SSC5D: variants seen among roughly 807,000 people sequenced by gnomAD.
SSC5D encodes scavenger receptor cysteine rich family member with 5 domains.
In SSC5D, 106 loss-of-function variants were observed where a neutral mutation model predicts 104.6. That is an observed-to-expected ratio of 1.01 (90% CI 0.87 to 1.19). The LOEUF (loss-of-function observed/expected upper bound fraction) is 1.19. Ranked by LOEUF, SSC5D falls within the 50% of genes most tolerant of loss-of-function variation. The probability of loss-of-function intolerance (pLI) is 0.00; values close to 1 mark genes in which losing one functional copy is unlikely to be tolerated. For synonymous variants in SSC5D, 860 were observed against 883.5 expected, an observed-to-expected ratio of 0.97 and a Z score of 0.47; for missense variants, 1,993 against 2,153.8, an observed-to-expected ratio of 0.93 and a Z score of 1.48.
rs869296361 is a variant in SSC5D at position 55,506,373 on chromosome 19, ATTTTTTTTTTTTTTTTT to A, written c.2785+5195_2785+5211del. Reference sequence around the variant, plus strand: ...GAGATTGGAGGCCTGTGGAATTTGGATTTTTTTTTTTTTTTTTTTTTTTTTTTTTTTTTTTTTTTGAG... The same window carrying A: ...GAGATTGGAGGCCTGTGGAATTTGGATTTTTTTTTTTTTTTTTTTTTTGAG... On this transcript the variant is annotated intron_variant, in intron 12 of 13. Coordinates refer to ENST00000389623, the MANE Select transcript of SSC5D (RefSeq NM_001144950.2). Among the ~76,000 whole-genome samples, 187 of 72,058 alleles carry A rather than the reference ATTTTTTTTTTTTTTTTT, an allele frequency of 2.6e-3. 1 individual carries two copies. The highest frequency in any genetic ancestry group is 7.3e-3 in the East Asian group (16 of 2,198). 47.3% of individuals were successfully genotyped at this position (72,058 alleles called of 152,430 possible). A position where few individuals can be genotyped will look rare whatever the true frequency, so the allele number is the denominator to read the frequency against.
chr19:55,516,300 A>G (rs1421807897), intron 13 of SSC5D, among the ~76,000 whole-genome samples: 5 of 152,136 alleles, frequency 3.3e-5, no homozygotes, highest in African/African-American at 4.8e-5. Context: ...GATCGAGACC[A>G]TCCTGGCCAA....
chr19:55,513,071 C>T lies in SSC5D; in HGVS notation c.2846C>T (p.Ala949Val), dbSNP rs1294445223. ...GACACACCATCAGGAAGGGGCCTGG[C>T]TGAGGGGACCCCTACCGCAGGCAAA... Reference protein sequence around the residue: ...TWDTPSGRGLAEGTPTAGKLG... With the variant: ...TWDTPSGRGLVEGTPTAGKLG... Residue 949 changes from alanine to valine, a missense_variant, in exon 13 of 14, where the codon GCT becomes GTT. Transcript: ENST00000389623. 1 of 1,551,646 alleles carries T rather than the reference C, an allele frequency of 6.4e-7. No individual in the cohort carries two copies. Among genetic ancestry groups the T allele is most frequent in the Admixed American group, 2.0e-5 (1 of 50,946 alleles).
intron 12 of SSC5D, among the ~76,000 whole-genome samples, chr19:55,506,385 T>G (rs1236340804): frequency 1.4e-5 from 1 of 72,942 alleles, no homozygotes; most frequent in Non-Finnish European, 2.7e-5. Flanking sequence ...TTTTTTTTTT[T>G]TTTTTTTTTT....
At chr19:55,499,600 G>A (rs1198899072) in intron 9 of SSC5D, among the ~76,000 whole-genome samples, 1 of 152,306 alleles carries the variant, frequency 6.6e-6, no homozygotes, top group Admixed American at 6.5e-5. Flanking sequence ...CCAAGAAGGC[G>A]GGGGCAGTGT....
rs1987474417 is a variant in SSC5D at position 55,500,766 on chromosome 19, A to G, written c.2579A>G (p.Asn860Ser). 3 of 1,551,012 alleles carry G rather than the reference A, an allele frequency of 1.9e-6. No individual in the cohort carries two copies. The South Asian group carries it at 3.6e-5, about 18-fold the overall frequency. The part of the protein sequence containing the change: ...DCPSGAWGKH[N>S]CDHEEDVGLT... ...CCCTCGGGGGCTTGGGGGAAGCACA[A>G]CTGTGACCACGAGGAAGACGTGGGG... is the stretch of plus-strand genomic sequence containing the variant. Residue 860 changes from asparagine to serine, a missense_variant, in exon 11 of 14, where the codon AAC becomes AGC. This residue lies in a region of SSC5D where 423 missense variants were observed against 409.2 expected (regional missense o/e 1.03). Coordinates refer to ENST00000389623, the MANE Select transcript of SSC5D (RefSeq NM_001144950.2). The surrounding 1 kb of genome is among the most constrained non-coding windows in gnomAD (Gnocchi z 4.6).
At chr19:55,505,947 G>C (rs1599925002) in intron 12 of SSC5D, among the ~76,000 whole-genome samples, 1 of 151,704 alleles carries the variant, frequency 6.6e-6, no homozygotes, top group East Asian at 1.9e-4. Context: ...ATGTTGGCCA[G>C]GCTGGTCTTG....
intron 2 of SSC5D, 26 bp downstream of exon 2, chr19:55,489,058 G>GGGGGGGGGGGGCC: frequency 8.3e-7 from 1 of 1,203,770 alleles, no homozygotes; most frequent in Non-Finnish European, 1.1e-6. Context: ...CCTCCCATCT[G>GGGGGGGGGGGGCC]CCCGCCCCCC....
intron 8 of SSC5D, among the ~76,000 whole-genome samples, chr19:55,497,413 CTT>C (rs1987352533): frequency 6.6e-6 from 1 of 152,162 alleles, no homozygotes; most frequent in Admixed American, 6.6e-5. Context: ...TGGAAAAAGA[CTT>C]ATTTTAATTG....
chr19:55,499,855 G>A lies in SSC5D; in HGVS notation c.1745G>A (p.Trp582Ter). 6.4e-7 allele frequency: 1 copy of A among 1,551,576 alleles called. No individual in the cohort carries two copies. Among genetic ancestry groups the A allele is most frequent in the African/African-American group, 1.4e-5 (1 of 73,096 alleles). The change falls in exon 10 of 14, where the codon TGG becomes TAG. Residue 582 changes from tryptophan to a stop codon, truncating the protein, a stop_gained. Coordinates refer to ENST00000389623, the MANE Select transcript of SSC5D (RefSeq NM_001144950.2). LOFTEE classifies it high-confidence loss of function. ...GLDSISDPFS[W>*]SWIPGLGRDR... Reference sequence around the variant, plus strand: ...GACTCCATCTCAGACCCCTTCAGCTGGAGCTGGATTCCTGGACTGGGGAGA... The same window carrying A: ...GACTCCATCTCAGACCCCTTCAGCTAGAGCTGGATTCCTGGACTGGGGAGA...
rs992351058 is a variant in SSC5D, at chr19:55,498,250, C to G, written c.1705+53C>G. Reference sequence around the variant, plus strand: ...TCCAGGAGGGCTTCCTGGAGGGGAACAGTAACTAACATGGGCACTAACATT... The same window carrying G: ...TCCAGGAGGGCTTCCTGGAGGGGAAGAGTAACTAACATGGGCACTAACATT... On this transcript the variant is annotated intron_variant, in intron 9 of 13. Coordinates refer to ENST00000389623, the MANE Select transcript of SSC5D (RefSeq NM_001144950.2). 1.4e-5 allele frequency: 22 copies of G among 1,525,580 alleles called. No individual in the cohort carries two copies. In the African/African-American group the frequency reaches 2.6e-4, roughly 18 times the overall value. 94.5% of individuals were successfully genotyped at this position (1,525,580 alleles called of 1,614,324 possible).
chr19:55,504,256 G>T, intron 12 of SSC5D: 1 of 1,517,052 alleles, frequency 6.6e-7, no homozygotes, highest in Non-Finnish European at 8.8e-7. Context: ...AGCGGGTCCG[G>T]CCTCGGGACC....
intron 8 of SSC5D, among the ~76,000 whole-genome samples, chr19:55,497,595 G>A (rs1167705876): frequency 6.6e-6 from 1 of 152,120 alleles, no homozygotes; most frequent in Non-Finnish European, 1.5e-5. Context: ...TTTATTCTGG[G>A]TATATCCCTA....
chr19:55,504,540 A>T (rs1987596101), intron 12 of SSC5D, among the ~76,000 whole-genome samples: 1 of 152,070 alleles, frequency 6.6e-6, no homozygotes, highest in Admixed American at 6.5e-5. Flanking sequence ...TCGCTCTGTC[A>T]CCCACGCTGG....
At chr19:55,489,788 C>A in intron 3 of SSC5D, 94 bp from the exon 4 acceptor site, 1 of 1,480,152 alleles carries the variant, frequency 6.8e-7, no homozygotes, top group Non-Finnish European at 9.2e-7. Flanking sequence ...CCATCCCCTC[C>A]AAAGCCAGGT....
intron 12 of SSC5D, among the ~76,000 whole-genome samples, chr19:55,507,784 A>G (rs1216327060): frequency 6.6e-6 from 1 of 152,108 alleles, no homozygotes; most frequent in Non-Finnish European, 1.5e-5. Context: ...AAGAAATAGC[A>G]ACAAGGTGGA....
Position 55,500,466 on chromosome 19 carries a change from C to G in SSC5D, c.2303-24C>G. 3 of 1,549,334 alleles carry G rather than the reference C, an allele frequency of 1.9e-6. No homozygotes were observed. The highest frequency in any genetic ancestry group is 2.4e-5 in the South Asian group (2 of 83,934). ...GAATGGGAGAGGCTGACCCTCCCTC[C>G]TGACCTAAGGGCCTTCCACGCAGGC... On this transcript the variant is annotated intron_variant, in intron 10 of 13. Coordinates refer to ENST00000389623, the MANE Select transcript of SSC5D (RefSeq NM_001144950.2). The surrounding 1 kb of genome is among the most constrained non-coding windows in gnomAD (Gnocchi z 4.6).
rs1156302782 is a variant in SSC5D at position 55,498,220 on chromosome 19, T to C, written c.1705+23T>C. Reference sequence around the variant, plus strand: ...CTGGTAAGGAGGCCCTAGCTATCTGTTGACTCCAGGAGGGCTTCCTGGAGG... The same window carrying C: ...CTGGTAAGGAGGCCCTAGCTATCTGCTGACTCCAGGAGGGCTTCCTGGAGG... On this transcript the variant is annotated intron_variant, in intron 9 of 13. Transcript: ENST00000389623. 2.8e-5 allele frequency: 44 copies of C among 1,551,128 alleles called. No homozygotes were observed. In the Admixed American group the frequency reaches 8.6e-4, roughly 30 times the overall value.
Position 55,517,524 on chromosome 19 carries a change from C to T in SSC5D, c.3248C>T (p.Thr1083Ile). ...GACTCCAGTGTGGTTCCCGCGTTGA[C>T]CCCGGAGCCCTCACCCACGCCCTTA... is the stretch of plus-strand genomic sequence containing the variant. ...TPDSSVVPALTPEPSPTPLPT... is the reference protein window; with the variant it reads ...TPDSSVVPALIPEPSPTPLPT... Residue 1083 changes from threonine to isoleucine, a missense_variant, in exon 14 of 14, where the codon ACC becomes ATC. Coordinates refer to ENST00000389623, the MANE Select transcript of SSC5D (RefSeq NM_001144950.2). The T allele has an allele frequency of 2.6e-6, 4 of 1,551,482 alleles. No individual in the cohort carries two copies. Among genetic ancestry groups the T allele is most frequent in the East Asian group, 2.4e-5 (1 of 40,900 alleles).
rs564109774 is a variant in SSC5D at position 55,514,274 on chromosome 19, A to G, written c.2947+1102A>G. Among the ~76,000 whole-genome samples the G allele has an allele frequency of 2.7e-3, 403 of 151,966 alleles. 4 individuals are homozygous for G. The highest frequency in any genetic ancestry group is 8.5e-3 in the African/African-American group (353 of 41,462). On this transcript the variant is annotated intron_variant, in intron 13 of 13. Transcript: ENST00000389623. ...CAAAAAATTAGCCAGGCGTGGTGGT[A>G]GGCACCTATGGTCCCAGCTACTCGG... is the stretch of plus-strand genomic sequence containing the variant.
Sources: allele counts gnomAD v4.1 joint callset (sites outside exome capture counted in the v4.1 genomes callset), GRCh38; gene constraint gnomAD v4.1.1; regional missense constraint gnomAD v4.1.1; non-coding constraint Gnocchi (gnomAD v3.1); transcripts MANE v1.5; gene names NCBI Gene and HGNC (gene_info 2026-07-23, HGNC 2026-07-21).